The following FANCD2OS variants were observed in gnomAD, a reference collection of about 807,000 sequenced individuals.
The protein encoded by FANCD2OS is FANCD2 opposite strand protein.
In FANCD2OS, 11 loss-of-function variants were observed where a neutral mutation model predicts 13.2. The observed-to-expected ratio is 0.83, with a 90% CI of 0.52 to 1.38. The LOEUF (loss-of-function observed/expected upper bound fraction) is 1.38. Among genes scored for constraint, FANCD2OS ranks in the 40% most tolerant of loss-of-function variants. The probability of loss-of-function intolerance (pLI) is 0.00; values close to 1 mark genes in which losing one functional copy is unlikely to be tolerated. For missense variants in FANCD2OS, 217 were observed against 213.9 expected, an observed-to-expected ratio of 1.01 and a Z score of -0.09; for synonymous variants, 69 against 84.5, an observed-to-expected ratio of 0.82 and a Z score of 1.01.
intron 2 of FANCD2OS, among the ~76,000 whole-genome samples, chr3:10,095,559 T>A (rs1287361577): frequency 6.6e-6 from 1 of 152,184 alleles, no homozygotes; most frequent in Non-Finnish European, 1.5e-5. Context: ...TTCTGCAAAG[T>A]CCTCTAGGTA....
rs2302844 is a variant in FANCD2OS, at chr3:10,095,190, T to C, written c.*43+9008A>G. The C allele has an allele frequency of 4.0e-5, 64 of 1,608,680 alleles. No homozygotes were observed. The highest frequency in any genetic ancestry group is 1.1e-4 in the East Asian group (5 of 44,870). ...ATTTCATAGAGCATTTATAAACTTA[T>C]TGGTTATAGGAAGATGTTCTGAGCT... is the stretch of plus-strand genomic sequence containing the variant. On this transcript the variant is annotated intron_variant, in intron 2 of 2. Transcript: ENST00000524279.
chr3:10,099,946 A>G (rs1446916420), downstream of FANCD2OS, among the ~76,000 whole-genome samples: 1 of 152,302 alleles, frequency 6.6e-6, no homozygotes, highest in African/African-American at 2.4e-5. Flanking sequence ...CTGTAATCGT[A>G]GCACTTTGTG....
intron 2 of FANCD2OS, chr3:10,085,899 C>G (rs1203321141): frequency 6.2e-7 from 1 of 1,612,262 alleles, no homozygotes; most frequent in African/African-American, 1.3e-5. Context: ...GAGAACACAG[C>G]CAGCCTTTGG....
downstream of FANCD2OS, chr3:10,098,728 G>A (rs756838566): frequency 4.3e-6 from 7 of 1,614,168 alleles, no homozygotes; most frequent in South Asian, 7.7e-5. Context: ...AGGGTGAAGA[G>A]ATTAAGTCCC....
chr3:10,088,718 A>G, intron 2 of FANCD2OS: 3 of 1,247,286 alleles, frequency 2.4e-6, no homozygotes, highest in Non-Finnish European at 3.5e-6. Flanking sequence ...TCTGTTTTAT[A>G]CTGTTAGCTA....
downstream of FANCD2OS, among the ~76,000 whole-genome samples, chr3:10,102,394 C>T (rs151319288): frequency 0.029 from 4,402 of 151,988 alleles, 219 homozygotes; most frequent in African/African-American, 0.1. Context: ...CTACCCGCCT[C>T]GGCCTCCCAA....
At chr3:10,082,363 C>T (rs1439776333) in intron 2 of FANCD2OS, among the ~76,000 whole-genome samples, 1 of 152,180 alleles carries the variant, frequency 6.6e-6, no homozygotes, top group Non-Finnish European at 1.5e-5. Flanking sequence ...CTGGACTGGG[C>T]TAGGTTCACA....
downstream of FANCD2OS, chr3:10,098,590 T>A (rs1445684211): frequency 9.3e-6 from 10 of 1,072,382 alleles, no homozygotes; most frequent in Non-Finnish European, 1.4e-5. Flanking sequence ...CACAAGTTGG[T>A]ATCCATGTTT....
At chr3:10,094,387 A>C (rs762793040) in intron 2 of FANCD2OS, 16 of 1,593,006 alleles carry the variant, frequency 1.0e-5, no homozygotes, top group Non-Finnish European at 1.3e-5. Flanking sequence ...GCAGAGAACA[A>C]AGATATGCAC....
downstream of FANCD2OS, chr3:10,102,917 G>A (rs898505071): frequency 4.6e-6 from 1 of 216,234 alleles, no homozygotes; most frequent in African/African-American, 2.4e-5. Context: ...CTTTGTATAT[G>A]TAATGTTTAT....
At chr3:10,097,034 G>A (rs1010650608) in intron 2 of FANCD2OS, among the ~76,000 whole-genome samples, 3 of 152,116 alleles carry the variant, frequency 2.0e-5, no homozygotes, top group Non-Finnish European at 2.9e-5. Flanking sequence ...TAGGATCCGT[G>A]ATGCCCCACA....
chr3:10,099,945 T>C (rs1559411971), downstream of FANCD2OS, among the ~76,000 whole-genome samples: 1 of 152,106 alleles, frequency 6.6e-6, no homozygotes, highest in African/African-American at 2.4e-5. Context: ...CCTGTAATCG[T>C]AGCACTTTGT....
intron 2 of FANCD2OS, chr3:10,092,165 T>C (rs767539823): frequency 6.2e-7 from 1 of 1,604,414 alleles, no homozygotes. Context: ...GGTGCCCATA[T>C]ATTTGGCTGC....
Position 10,094,813 on chromosome 3 carries a change from A to G in FANCD2OS, c.*43+9385T>C, listed in dbSNP as rs951831843. Reference sequence around the variant, plus strand: ...CCAGGGCTAGAGTGATGAATTAAGGATAGAATCACATTATTTCCTATACAT... The same window carrying G: ...CCAGGGCTAGAGTGATGAATTAAGGGTAGAATCACATTATTTCCTATACAT... On this transcript the variant is annotated intron_variant, in intron 2 of 2. Coordinates refer to the FANCD2OS transcript ENST00000524279. 21 of 335,992 alleles carry G rather than the reference A, an allele frequency of 6.3e-5. 1 individual carries two copies. Among genetic ancestry groups the G allele is most frequent in the South Asian group, 6.1e-4 (21 of 34,572 alleles). 20.8% of individuals were successfully genotyped at this position (335,992 alleles called of 1,614,324 possible). A position where few individuals can be genotyped will look rare whatever the true frequency, so the allele number is the denominator to read the frequency against.
At chr3:10,100,230 T>G (rs1179068240), downstream of FANCD2OS, among the ~76,000 whole-genome samples, 1 of 152,216 alleles carries the variant, frequency 6.6e-6, no homozygotes, top group Non-Finnish European at 1.5e-5. Context: ...ATTTGTATAA[T>G]ATACCCCTTC....
downstream of FANCD2OS, chr3:10,099,027 G>A (rs563307388): frequency 1.2e-5 from 19 of 1,610,506 alleles, no homozygotes; most frequent in Middle Eastern, 1.7e-4. Context: ...TGAGTATCTC[G>A]AGTTGTGGCA....
downstream of FANCD2OS, among the ~76,000 whole-genome samples, chr3:10,102,230 A>G (rs1236016185): frequency 2.8e-5 from 4 of 140,466 alleles, no homozygotes; most frequent in Non-Finnish European, 6.0e-5. Context: ...TGCAACCTCC[A>G]CCTCCCAGGT....
chr3:10,094,272 G>A (rs1235343522), intron 2 of FANCD2OS: 1 of 1,608,408 alleles, frequency 6.2e-7, no homozygotes, highest in Non-Finnish European at 8.5e-7. Context: ...AGGTAACAGT[G>A]TGTCTCTCTT....
chr3:10,087,765 C>T (rs1694309004), intron 2 of FANCD2OS, among the ~76,000 whole-genome samples: 1 of 152,136 alleles, frequency 6.6e-6, no homozygotes, highest in South Asian at 2.1e-4. Flanking sequence ...TCTCCTGCCT[C>T]AGCCTTTCAA....
Sources: gnomAD v4.1 joint callset for allele counts (sites outside exome capture counted in the v4.1 genomes callset) on GRCh38, gnomAD v4.1.1 for gene constraint, MANE v1.5 for transcripts, NCBI Gene and HGNC (gene_info 2026-07-23, HGNC 2026-07-21) for gene names.